PPP6R3: variants seen among roughly 807,000 people sequenced by gnomAD.
PPP6R3 encodes the protein serine/threonine-protein phosphatase 6 regulatory subunit 3.
In PPP6R3, 38 loss-of-function variants were observed where a neutral mutation model predicts 110.7. That is an observed-to-expected ratio of 0.34 (90% CI 0.26 to 0.45). The LOEUF is 0.45. Ranked by LOEUF, PPP6R3 falls within the 20% of genes least tolerant of loss-of-function variation. The pLI is 1.00. For missense variants in PPP6R3, 870 were observed against 1,062.4 expected (o/e 0.82, Z 2.52); for synonymous variants, 369 against 373.5 (o/e 0.99, Z 0.14).
intron 22 of PPP6R3, chr11:68,609,600 C>G: frequency 1.9e-6 from 3 of 1,551,882 alleles, no homozygotes; most frequent in Non-Finnish European, 2.6e-6. Context: ...GTTTTGCACA[C>G]TGGGCTTCAG....
intron 8 of PPP6R3, among the ~76,000 whole-genome samples, chr11:68,563,476 T>G (rs2099437585): frequency 1.3e-5 from 2 of 152,176 alleles, no homozygotes; most frequent in African/African-American, 4.8e-5. Flanking sequence ...TCTCAAGATC[T>G]TTAATTAATT....
At chr11:68,500,366 T>C (rs1405070288) in intron 1 of PPP6R3, among the ~76,000 whole-genome samples, 1 of 152,234 alleles carries the variant, frequency 6.6e-6, no homozygotes, top group Non-Finnish European at 1.5e-5. Flanking sequence ...CTGGGCTCTT[T>C]TGTTTTGTGG....
chr11:68,461,772 C>T (rs1329651838), intron 1 of PPP6R3, among the ~76,000 whole-genome samples: 1 of 152,056 alleles, frequency 6.6e-6, no homozygotes, highest in Non-Finnish European at 1.5e-5. Context: ...GACAGGCGTT[C>T]CCTTTCATCC....
chr11:68,566,858 A>G (rs1328682102), intron 9 of PPP6R3, 156 bp from the exon 10 acceptor site: 4 of 543,778 alleles, frequency 7.4e-6, no homozygotes, highest in Non-Finnish European at 1.2e-5. Context: ...ATTTCATTGT[A>G]TCTTAAAGAT....
intron 3 of PPP6R3, among the ~76,000 whole-genome samples, chr11:68,543,960 G>A (rs1173452523): frequency 1.3e-5 from 2 of 152,200 alleles, no homozygotes; most frequent in Non-Finnish European, 2.9e-5. Context: ...GCCTGTGTGG[G>A]TCCATATAGA....
At chr11:68,533,217 T>A (rs1461510163) in intron 2 of PPP6R3, among the ~76,000 whole-genome samples, 1 of 152,156 alleles carries the variant, frequency 6.6e-6, no homozygotes, top group East Asian at 1.9e-4. Flanking sequence ...GGTGACTAAT[T>A]TACCAGTGCC....
intron 1 of PPP6R3, among the ~76,000 whole-genome samples, chr11:68,504,229 C>G (rs1465347199): frequency 6.7e-6 from 1 of 149,346 alleles, no homozygotes; most frequent in Non-Finnish European, 1.5e-5. Context: ...TTTTTTTTTT[C>G]TTACTATGCT....
intron 1 of PPP6R3, among the ~76,000 whole-genome samples, chr11:68,470,077 TCTA>T (rs1304734521): frequency 6.6e-5 from 10 of 152,258 alleles, no homozygotes; most frequent in African/African-American, 9.6e-5. Flanking sequence ...TAAACACTGT[TCTA>T]CTGCTGGGCA....
chr11:68,466,324 C>T (rs2098744940), intron 1 of PPP6R3, among the ~76,000 whole-genome samples: 1 of 151,886 alleles, frequency 6.6e-6, no homozygotes, highest in African/African-American at 2.4e-5. Context: ...AGATTACAGA[C>T]TGACATTTGG....
Position 68,613,510 on chromosome 11 carries a change from G to GTAT in PPP6R3, c.*396_*398dup, listed in dbSNP as rs1555214037. On this transcript the variant is annotated 3_prime_UTR_variant, in exon 24 of 24. Coordinates refer to ENST00000393800, the MANE Select transcript of PPP6R3 (RefSeq NM_001164161.2). ...TTTGACAATTATTAGTGTGACCAAA[G>GTAT]TATTAGGCGGTTTTCATACATTTTT... 2.0e-6 allele frequency: 2 copies of GTAT among 989,106 alleles called. No homozygotes were observed. Among genetic ancestry groups the GTAT allele is most frequent in the Non-Finnish European group, 2.4e-6 (2 of 832,306 alleles). The allele number at this position is 989,106 out of a possible 1,614,324, so 61.3% of individuals were successfully genotyped here.
intron 12 of PPP6R3, among the ~76,000 whole-genome samples, chr11:68,573,599 C>A (rs2099519045): frequency 6.6e-6 from 1 of 152,106 alleles, no homozygotes; most frequent in Admixed American, 6.6e-5. Context: ...AGTCTCACAT[C>A]AGCTAATATC....
chr11:68,542,016 T>G (rs1194845753), intron 3 of PPP6R3, among the ~76,000 whole-genome samples: 4 of 151,792 alleles, frequency 2.6e-5, no homozygotes, highest in Non-Finnish European at 5.9e-5. Flanking sequence ...CGAGGCAGAT[T>G]TGGAGTCAGG....
intron 1 of PPP6R3, among the ~76,000 whole-genome samples, chr11:68,464,600 TAGTG>T (rs1469893776): frequency 6.6e-6 from 1 of 152,146 alleles, no homozygotes; most frequent in African/African-American, 2.4e-5. Context: ...GATTATTTAG[TAGTG>T]GGGATTATTT....
At chr11:68,532,596 A>G (rs2099247193) in intron 2 of PPP6R3, among the ~76,000 whole-genome samples, 1 of 152,206 alleles carries the variant, frequency 6.6e-6, no homozygotes, top group South Asian at 2.1e-4. Context: ...GTGCTCCCAT[A>G]AGATTATAAT....
Position 68,613,965 on chromosome 11 carries a change from C to T in PPP6R3, c.*848C>T. On this transcript the variant is annotated 3_prime_UTR_variant, in exon 24 of 24. Transcript: ENST00000393800. ...TTGTTTCATTTGGTAGTTCATCTGC[C>T]TTTTAACCCATTCACCAAAATTTAC... 1.0e-6 allele frequency: 1 copy of T among 982,702 alleles called. No individual in the cohort carries two copies. Among genetic ancestry groups the T allele is most frequent in the Non-Finnish European group, 1.2e-6 (1 of 829,406 alleles). 60.9% of individuals were successfully genotyped at this position (982,702 alleles called of 1,614,324 possible).
At chr11:68,584,422 C>T (rs2099571894) in intron 15 of PPP6R3, among the ~76,000 whole-genome samples, 2 of 152,188 alleles carry the variant, frequency 1.3e-5, no homozygotes, top group Non-Finnish European at 2.9e-5. Context: ...GGCCATGAAC[C>T]TGAGTGCTGT....
At chr11:68,601,120 G>A (rs1398421081) in intron 20 of PPP6R3, among the ~76,000 whole-genome samples, 1 of 152,166 alleles carries the variant, frequency 6.6e-6, no homozygotes, top group Non-Finnish European at 1.5e-5. Flanking sequence ...CTACTCAGAG[G>A]TACAAGTGAG....
intron 1 of PPP6R3, among the ~76,000 whole-genome samples, chr11:68,465,196 TGTTTTA>T (rs2098737282): frequency 6.6e-6 from 1 of 152,216 alleles, no homozygotes; most frequent in Non-Finnish European, 1.5e-5. Flanking sequence ...TTTTTGTTTT[TGTTTTA>T]ATAAAGACCT....
chr11:68,540,056 G>C (rs542050627), intron 3 of PPP6R3, among the ~76,000 whole-genome samples: 1 of 152,332 alleles, frequency 6.6e-6, no homozygotes, highest in East Asian at 1.9e-4. Context: ...AAAATGGAAG[G>C]AGGGAGGGTT....
Sources: gnomAD v4.1 joint callset for allele counts (sites outside exome capture counted in the v4.1 genomes callset) on GRCh38, gnomAD v4.1.1 for gene constraint, MANE v1.5 for transcripts, NCBI Gene and HGNC (gene_info 2026-07-23, HGNC 2026-07-21) for gene names.